DCC: variants seen among roughly 807,000 people sequenced by gnomAD.
DCC encodes netrin receptor DCC.
Under a neutral mutation model 172.5 loss-of-function variants are expected in DCC, and 58 were observed. The ratio of observed to expected loss-of-function variants is 0.34; its 90% CI spans 0.27 to 0.42. The LOEUF (loss-of-function observed/expected upper bound fraction) is 0.42, where lower values mean the gene tolerates loss of function less well. DCC is among the 10% of genes least tolerant of loss of function. The pLI is 1.00. For missense variants in DCC, 1,740 were observed against 1,791.0 expected, an observed-to-expected ratio of 0.97 and a Z score of 0.51; for synonymous variants, 709 against 644.5, an observed-to-expected ratio of 1.10 and a Z score of -1.52.
intron 1 of DCC, among the ~76,000 whole-genome samples, chr18:52,568,470 T>C (rs756773630): frequency 3.5e-4 from 54 of 152,194 alleles, no homozygotes; most frequent in Non-Finnish European, 6.8e-4. Context: ...TTTACAGAGT[T>C]GTTAAATGAG....
intron 2 of DCC, among the ~76,000 whole-genome samples, chr18:52,763,274 A>G (rs766665471): frequency 5.3e-5 from 8 of 152,260 alleles, no homozygotes; most frequent in African/African-American, 7.2e-5. Context: ...AATAAAGCCT[A>G]TATAGCTTCA....
At chr18:53,403,673 G>A (rs967484236) in intron 19 of DCC, among the ~76,000 whole-genome samples, 2 of 150,794 alleles carry the variant, frequency 1.3e-5, no homozygotes, top group Non-Finnish European at 3.0e-5. Flanking sequence ...TGAACCATTG[G>A]GTTAGGAACA....
chr18:53,508,230 T>A (rs2046207493), intron 27 of DCC, among the ~76,000 whole-genome samples: 1 of 148,020 alleles, frequency 6.8e-6, no homozygotes, highest in African/African-American at 2.5e-5. Flanking sequence ...TCTTACTCTG[T>A]CACCCAAGCT....
chr18:52,421,668 T>C (rs1987253649), intron 1 of DCC, among the ~76,000 whole-genome samples: 1 of 152,208 alleles, frequency 6.6e-6, no homozygotes, highest in Non-Finnish European at 1.5e-5. Flanking sequence ...GAATTTGCTT[T>C]GAAAAGTTAC....
chr18:53,036,696 A>G lies in DCC; in HGVS notation c.986-26609A>G, dbSNP rs113646873. ...AGCATAGGTAGCTGAATGCTATTCAATATGCACCCCTAATCCTATCTGCTT... is the reference window on the plus strand; with the variant it reads ...AGCATAGGTAGCTGAATGCTATTCAGTATGCACCCCTAATCCTATCTGCTT... On this transcript the variant is annotated intron_variant, in intron 5 of 28. Coordinates refer to ENST00000442544, the MANE Select transcript of DCC (RefSeq NM_005215.4). 7.5e-3 allele frequency among the ~76,000 whole-genome samples: 1,136 copies of G among 152,172 alleles called. 19 individuals are homozygous for G. The highest frequency in any genetic ancestry group is 0.025 in the African/African-American group (1,056 of 41,558).
chr18:53,162,666 C>T lies in DCC; in HGVS notation c.1418+5154C>T, dbSNP rs1376589694. On this transcript the variant is annotated intron_variant, in intron 8 of 28. Coordinates refer to ENST00000442544, the MANE Select transcript of DCC (RefSeq NM_005215.4). Reference sequence around the variant, plus strand: ...AGTCTGCCTAGGATGTTCTTCTCCTCAGAGATCCACATGGATCATTCCCTA... The same window carrying T: ...AGTCTGCCTAGGATGTTCTTCTCCTTAGAGATCCACATGGATCATTCCCTA... Among the ~76,000 whole-genome samples, 4 of 152,298 alleles carry T rather than the reference C, an allele frequency of 2.6e-5. No individual in the cohort carries two copies. In the South Asian group the frequency reaches 8.3e-4, roughly 32 times the overall value.
At chr18:52,566,472 C>A (rs1244941211) in intron 1 of DCC, among the ~76,000 whole-genome samples, 1 of 152,022 alleles carries the variant, frequency 6.6e-6, no homozygotes, top group Non-Finnish European at 1.5e-5. Flanking sequence ...ACCTATGTAA[C>A]AAACCTGCAC....
chr18:52,704,080 C>T (rs1337768343), intron 1 of DCC, among the ~76,000 whole-genome samples: 1 of 138,220 alleles, frequency 7.2e-6, no homozygotes, highest in Non-Finnish European at 1.5e-5. Flanking sequence ...TGCTAACTTT[C>T]TATGATTCTA....
At chr18:52,657,499 C>T (rs1459003914) in intron 1 of DCC, among the ~76,000 whole-genome samples, 1 of 152,180 alleles carries the variant, frequency 6.6e-6, no homozygotes, top group Non-Finnish European at 1.5e-5. Flanking sequence ...TTTTAACCAG[C>T]AGGGCTCCAG....
chr18:52,523,865 A>C (rs2031897286), intron 1 of DCC, among the ~76,000 whole-genome samples: 1 of 152,200 alleles, frequency 6.6e-6, no homozygotes, highest in Admixed American at 6.5e-5. Flanking sequence ...TGTAATTTGA[A>C]CCCAATTTTT....
At chr18:52,989,005 A>G (rs552454514) in intron 5 of DCC, among the ~76,000 whole-genome samples, 8 of 151,380 alleles carry the variant, frequency 5.3e-5, no homozygotes, top group African/African-American at 2.0e-4. Flanking sequence ...TTTTTTTTCA[A>G]AAGATACATA....
chr18:53,496,945 A>T (rs1411449302), intron 26 of DCC, among the ~76,000 whole-genome samples: 2 of 152,252 alleles, frequency 1.3e-5, no homozygotes, highest in Non-Finnish European at 2.9e-5. Flanking sequence ...GGAGTAAAAA[A>T]GGAAATAAAA....
At chr18:52,512,650 T>A (rs187517444) in intron 1 of DCC, among the ~76,000 whole-genome samples, 77 of 152,298 alleles carry the variant, frequency 5.1e-4, no homozygotes, top group African/African-American at 1.7e-3. Flanking sequence ...CAGTCATACA[T>A]ACCATAGGCA....
intron 6 of DCC, among the ~76,000 whole-genome samples, chr18:53,064,369 G>A (rs530888930): frequency 1.2e-4 from 19 of 152,264 alleles, no homozygotes; most frequent in South Asian, 1.0e-3. Flanking sequence ...AAATAACAAA[G>A]AACTTGCAGC....
intron 12 of DCC, among the ~76,000 whole-genome samples, chr18:53,226,569 G>A (rs904491739): frequency 1.3e-5 from 2 of 152,022 alleles, no homozygotes; most frequent in Non-Finnish European, 2.9e-5. Context: ...ATTTTTGAAT[G>A]TAATTCTGAC....
chr18:52,984,357 C>T (rs2041259520), intron 5 of DCC, among the ~76,000 whole-genome samples: 1 of 151,986 alleles, frequency 6.6e-6, no homozygotes, highest in South Asian at 2.1e-4. Context: ...TGAGGATTTA[C>T]CTGTGTTTGG....
chr18:52,790,059 A>G (rs9807158), intron 2 of DCC, among the ~76,000 whole-genome samples: 149,757 of 152,144 alleles, frequency 0.98, 73,753 homozygotes, highest in East Asian at 1. Context: ...CAACAAACTA[A>G]CTTATCTGAT....
intron 5 of DCC, among the ~76,000 whole-genome samples, chr18:52,928,824 ATCTGCATGGGAGGCACAT>A (rs2040258165): frequency 1.3e-5 from 2 of 152,134 alleles, no homozygotes; most frequent in African/African-American, 4.8e-5. Flanking sequence ...CATGGTTTGC[ATCTGCATGGGAGGCACAT>A]GCCCATCTGG....
chr18:52,436,874 C>A (rs1190128079), intron 1 of DCC, among the ~76,000 whole-genome samples: 1 of 152,172 alleles, frequency 6.6e-6, no homozygotes, highest in Non-Finnish European at 1.5e-5. Context: ...GAGCCGAGAT[C>A]ATGCCACTGA....
Sources: allele counts gnomAD v4.1 joint callset (sites outside exome capture counted in the v4.1 genomes callset), GRCh38; gene constraint gnomAD v4.1.1; transcripts MANE v1.5; gene names NCBI Gene and HGNC (gene_info 2026-07-23, HGNC 2026-07-21).